The following REXO5 variants were observed in gnomAD, a reference collection of about 807,000 sequenced individuals.
REXO5 encodes the protein RNA exonuclease 5.
REXO5 carries 48 observed loss-of-function variants against 88.5 expected under a neutral mutation model. The ratio of observed to expected loss-of-function variants is 0.54; its 90% CI spans 0.43 to 0.69. The LOEUF (loss-of-function observed/expected upper bound fraction) is 0.69. Ranked by LOEUF, REXO5 falls within the 30% of genes least tolerant of loss-of-function variation. The pLI, the probability that REXO5 is intolerant of heterozygous loss-of-function variation, is 0.00. For synonymous variants in REXO5, 311 were observed against 336.5 expected, an observed-to-expected ratio of 0.92 and a Z score of 0.83; for missense variants, 749 against 912.2, an observed-to-expected ratio of 0.82 and a Z score of 2.30.
At chr16:20,822,601 C>T (rs1214056281) in intron 6 of REXO5, among the ~76,000 whole-genome samples, 3 of 152,180 alleles carry the variant, frequency 2.0e-5, no homozygotes, top group Admixed American at 6.5e-5. Context: ...CTTTGACAAC[C>T]GTTAATCTAG....
chr16:20,810,704 T>C (rs755545077), intron 2 of REXO5, among the ~76,000 whole-genome samples: 7 of 152,120 alleles, frequency 4.6e-5, no homozygotes, highest in African/African-American at 7.2e-5. Context: ...TCCATTTTCA[T>C]ATTTGTAACT....
chr16:20,827,144 C>G lies in REXO5; in HGVS notation c.908C>G (p.Pro303Arg). The G allele has an allele frequency of 6.2e-7, 1 of 1,614,046 alleles. No individual in the cohort carries two copies. Among genetic ancestry groups the G allele is most frequent in the Non-Finnish European group, 8.5e-7 (1 of 1,179,968 alleles). ...VQRQLKALLP[P>R]DAVLVGHSLD... ...AGGCAGTTAAAAGCACTGCTTCCTC[C>G]TGATGCTGTGTTAGTGGGCCACTCC... The change falls in exon 9 of 20, where the codon CCT becomes CGT. Residue 303 changes from proline to arginine, a missense_variant. Transcript: ENST00000261377.
chr16:20,819,086 G>A (rs1422415559), intron 5 of REXO5, among the ~76,000 whole-genome samples: 1 of 152,124 alleles, frequency 6.6e-6, no homozygotes, highest in African/African-American at 2.4e-5. Context: ...CCATGTCCCT[G>A]CAAAGGACAT....
At chr16:20,838,613 C>G (rs1195382736) in intron 13 of REXO5, among the ~76,000 whole-genome samples, 2 of 152,164 alleles carry the variant, frequency 1.3e-5, no homozygotes, top group African/African-American at 2.4e-5. Context: ...CCCTGAGCCC[C>G]TTGTCCCTAC....
At chr16:20,825,375 G>C (rs1240861623) in intron 7 of REXO5, among the ~76,000 whole-genome samples, 1 of 152,158 alleles carries the variant, frequency 6.6e-6, no homozygotes, top group Non-Finnish European at 1.5e-5. Context: ...TGTCGCCTTA[G>C]ACAAATACCC....
chr16:20,807,046 G>C lies in REXO5; in HGVS notation c.93G>C (p.Ala31=), dbSNP rs141233630. The change falls in exon 2 of 20, where the codon GCG becomes GCC. Residue 31 remains alanine (A), a synonymous_variant. Coordinates refer to ENST00000261377, the MANE Select transcript of REXO5 (RefSeq NM_030941.3). ...APNKLVGAAE[A]MKAGWDLEES... ...ATAAGCTGGTCGGGGCAGCTGAGGC[G>C]ATGAAAGCCGGTTGGGATCTCGAGG... 1.2e-6 allele frequency: 2 copies of C among 1,604,498 alleles called. No homozygotes were observed. The highest frequency in any genetic ancestry group is 2.7e-5 in the African/African-American group (2 of 74,988).
At chr16:20,813,349 T>A in intron 3 of REXO5, 47 bp downstream of exon 3, 1 of 793,168 alleles carries the variant, frequency 1.3e-6, no homozygotes, top group Non-Finnish European at 1.9e-6. Context: ...GGTTTCTTTT[T>A]TTTTTTTTTT....
At chr16:20,835,259 A>C (rs1265256014) in intron 13 of REXO5, among the ~76,000 whole-genome samples, 1 of 151,870 alleles carries the variant, frequency 6.6e-6, no homozygotes, top group African/African-American at 2.4e-5. Context: ...AAGTGCTGGG[A>C]TTACAGGGGT....
chr16:20,807,271 A>G (rs2080899909), intron 2 of REXO5, 180 bp downstream of exon 2: 1 of 716,246 alleles, frequency 1.4e-6, no homozygotes, highest in African/African-American at 1.8e-5. Flanking sequence ...CAAGGCTGTC[A>G]TTGGCTGTCA....
At position 20,816,136 on chromosome 16, in the gene REXO5, A is replaced by G. The variant is rs1218272172; in HGVS notation, c.399A>G (p.Pro133=). Residue 133 remains proline (P), a synonymous_variant, in exon 5 of 20, where the codon CCA becomes CCG. Coordinates refer to ENST00000261377, the MANE Select transcript of REXO5 (RefSeq NM_030941.3). The part of the protein sequence containing the change: ...AFRHKFRLPP[P]SSDFLADVVG... ...TTCAGAAATTCCGCTTGCCTCCACC[A>G]TCATCTGATTTTCTAGCTGATGTTG... 1.2e-6 allele frequency: 2 copies of G among 1,614,114 alleles called. No individual in the cohort carries two copies. The highest frequency in any genetic ancestry group is 1.3e-5 in the African/African-American group (1 of 75,044).
intron 15 of REXO5, among the ~76,000 whole-genome samples, chr16:20,842,655 A>G (rs765814942): frequency 6.6e-6 from 1 of 151,760 alleles, no homozygotes; most frequent in Non-Finnish European, 1.5e-5. Context: ...GGGTCTCTCT[A>G]TGTTGCCCAG....
At chr16:20,839,316 G>T (rs906830100) in intron 13 of REXO5, among the ~76,000 whole-genome samples, 1 of 151,668 alleles carries the variant, frequency 6.6e-6, no homozygotes, top group African/African-American at 2.4e-5. Flanking sequence ...ACATTTAATT[G>T]GAGTTTTTAT....
At chr16:20,841,910 T>C (rs2081533504) in intron 15 of REXO5, among the ~76,000 whole-genome samples, 1 of 152,200 alleles carries the variant, frequency 6.6e-6, no homozygotes, top group Non-Finnish European at 1.5e-5. Context: ...AATCTTTTAT[T>C]AATGGCTTTT....
intron 13 of REXO5, among the ~76,000 whole-genome samples, chr16:20,833,352 C>G (rs2081375639): frequency 1.3e-5 from 2 of 152,202 alleles, no homozygotes; most frequent in South Asian, 4.1e-4. Context: ...TTTGGTCTTG[C>G]ATACATCTTT....
intron 13 of REXO5, among the ~76,000 whole-genome samples, chr16:20,837,480 C>G (rs1194329765): frequency 6.6e-6 from 1 of 152,164 alleles, no homozygotes; most frequent in East Asian, 1.9e-4. Flanking sequence ...TCCCCGCTGG[C>G]CTATCTTTCA....
rs907709501 is a variant in REXO5 at position 20,835,823 on chromosome 16, G to A, written c.1383+2700G>A. ...AGGACTTTGGGAGGCTGAGGTAGGT[G>A]GATCTCTTGAGTCCAGGAGTTTGAG... On this transcript the variant is annotated intron_variant, in intron 13 of 19. Coordinates refer to ENST00000261377, the MANE Select transcript of REXO5 (RefSeq NM_030941.3). Among the ~76,000 whole-genome samples, 9 of 152,200 alleles carry A rather than the reference G, an allele frequency of 5.9e-5. No homozygotes were observed. The South Asian group carries it at 1.9e-3, about 32-fold the overall frequency.
chr16:20,819,742 C>T (rs1234851441), intron 5 of REXO5, among the ~76,000 whole-genome samples: 2 of 142,822 alleles, frequency 1.4e-5, no homozygotes, highest in Admixed American at 7.2e-5. Flanking sequence ...GCAACAAGAG[C>T]GAAACTCCGT....
intron 5 of REXO5, among the ~76,000 whole-genome samples, chr16:20,821,342 A>T (rs899725727): frequency 6.6e-6 from 1 of 152,114 alleles, no homozygotes; most frequent in Admixed American, 6.5e-5. Context: ...GCTGGAGTGC[A>T]GTGGCGCGAT....
Position 20,828,359 on chromosome 16 carries a change from C to CA in REXO5, c.1056-75dup. ...AGAATTCTAACATTTTATATGTAAT[C>CA]AGAACACTTGAGATGGTTGAAAAAG... is the stretch of plus-strand genomic sequence containing the variant. On this transcript the variant is annotated intron_variant, in intron 10 of 19. Coordinates refer to ENST00000261377, the MANE Select transcript of REXO5 (RefSeq NM_030941.3). 3 of 870,682 alleles carry CA rather than the reference C, an allele frequency of 3.4e-6. No individual in the cohort carries two copies. In the South Asian group the frequency reaches 4.2e-5, roughly 12 times the overall value. The allele number at this position is 870,682 out of a possible 1,614,324, so 53.9% of individuals were successfully genotyped here. A position where few individuals can be genotyped will look rare whatever the true frequency, so the allele number is the denominator to read the frequency against.
Sources: allele counts gnomAD v4.1 joint callset (sites outside exome capture counted in the v4.1 genomes callset), GRCh38; gene constraint gnomAD v4.1.1; transcripts MANE v1.5; gene names NCBI Gene and HGNC (gene_info 2026-07-23, HGNC 2026-07-21).